TMEM132C: variants seen among roughly 807,000 people sequenced by gnomAD.
TMEM132C encodes the protein protein phosphatase 1, regulatory subunit 152.
A neutral mutation model predicts 61.4 loss-of-function variants in TMEM132C; 29 were observed. The ratio of observed to expected loss-of-function variants is 0.47; its 90% CI spans 0.35 to 0.64. The LOEUF is 0.64. Ranked by LOEUF, TMEM132C falls within the 30% of genes least tolerant of loss-of-function variation. The probability of loss-of-function intolerance (pLI) is 0.00; values close to 1 mark genes in which losing one functional copy is unlikely to be tolerated. For missense variants in TMEM132C, 1,408 were observed against 1,476.9 expected, an observed-to-expected ratio of 0.95 and a Z score of 0.76; for synonymous variants, 656 against 633.1, an observed-to-expected ratio of 1.04 and a Z score of -0.54.
At chr12:128,285,099 C>T (rs1871014604) in intron 1 of TMEM132C, among the ~76,000 whole-genome samples, 1 of 152,126 alleles carries the variant, frequency 6.6e-6, no homozygotes, top group Non-Finnish European at 1.5e-5. Flanking sequence ...GCCAAGATTG[C>T]ACCACTGCAC....
intron 2 of TMEM132C, among the ~76,000 whole-genome samples, chr12:128,454,356 A>G (rs1429803482): frequency 6.6e-6 from 1 of 152,182 alleles, no homozygotes; most frequent in Non-Finnish European, 1.5e-5. Flanking sequence ...CAGAATCCTA[A>G]TGAAGTTCAG....
At chr12:128,609,593 T>G (rs1041670141) in intron 3 of TMEM132C, among the ~76,000 whole-genome samples, 11 of 151,978 alleles carry the variant, frequency 7.2e-5, no homozygotes, top group Non-Finnish European at 1.5e-4. Context: ...ATAATGTAAT[T>G]CAAGGGTGCT....
chr12:128,268,740 A>T (rs1408622015), intron 1 of TMEM132C, among the ~76,000 whole-genome samples: 1 of 152,022 alleles, frequency 6.6e-6, no homozygotes, highest in Non-Finnish European at 1.5e-5. Context: ...TTCAAAAGTC[A>T]TTCTGCACCG....
Position 128,569,625 on chromosome 12 carries a change from T to C in TMEM132C, c.1121+25522T>C, listed in dbSNP as rs2136169981. ...TCAGCTTTTTATTAACCAGGTGACATGAAGACAGAGCCCACACTAGAGCGG... is the reference window on the plus strand; with the variant it reads ...TCAGCTTTTTATTAACCAGGTGACACGAAGACAGAGCCCACACTAGAGCGG... On this transcript the variant is annotated intron_variant, in intron 3 of 8. Coordinates refer to ENST00000435159, the MANE Select transcript of TMEM132C (RefSeq NM_001136103.3). 2.0e-5 allele frequency among the ~76,000 whole-genome samples: 3 copies of C among 152,296 alleles called. 1 individual carries two copies. The Middle Eastern group carries it at 0.01, about 518-fold the overall frequency.
At chr12:128,390,558 G>A (rs536619480) in intron 1 of TMEM132C, among the ~76,000 whole-genome samples, 1 of 152,226 alleles carries the variant, frequency 6.6e-6, no homozygotes, top group African/African-American at 2.4e-5. Flanking sequence ...ACTATCAGCC[G>A]ACTGGCCACC....
intron 2 of TMEM132C, among the ~76,000 whole-genome samples, chr12:128,536,613 G>A (rs1421495385): frequency 6.6e-6 from 1 of 152,146 alleles, no homozygotes; most frequent in Non-Finnish European, 1.5e-5. Flanking sequence ...AGGTGAAGAT[G>A]TGTTTTATCA....
chr12:128,460,913 C>A (rs78798163), intron 2 of TMEM132C, among the ~76,000 whole-genome samples: 7 of 152,100 alleles, frequency 4.6e-5, no homozygotes, highest in Non-Finnish European at 1.0e-4. Context: ...GAGGCAGCCC[C>A]CAGCTACCCA....
intron 2 of TMEM132C, among the ~76,000 whole-genome samples, chr12:128,460,383 A>G (rs1021474981): frequency 6.6e-6 from 1 of 152,202 alleles, no homozygotes; most frequent in Non-Finnish European, 1.5e-5. Context: ...CAGCAAATCC[A>G]GACCTATGTC....
intron 4 of TMEM132C, among the ~76,000 whole-genome samples, chr12:128,626,972 C>CCT (rs1954023235): frequency 6.6e-6 from 1 of 152,176 alleles, no homozygotes; most frequent in Non-Finnish European, 1.5e-5. Flanking sequence ...CCACCAAGGG[C>CCT]CTCTCCCTAG....
At position 128,638,638 on chromosome 12, in the gene TMEM132C, AT is replaced by A. The variant is rs1328947538; in HGVS notation, c.1305+22306del. ...CACAGCTTGGAAAGGTGGTTACGGA[AT>A]TTAAACCTATGTATCTCTGGCTCCA... On this transcript the variant is annotated intron_variant, in intron 4 of 8. Coordinates refer to ENST00000435159, the MANE Select transcript of TMEM132C (RefSeq NM_001136103.3). Among the ~76,000 whole-genome samples, 8 of 152,328 alleles carry A rather than the reference AT, an allele frequency of 5.3e-5. No individual in the cohort carries two copies. In the East Asian group the frequency reaches 1.5e-3, roughly 29 times the overall value.
chr12:128,589,352 C>T (rs749397160), intron 3 of TMEM132C, among the ~76,000 whole-genome samples: 2 of 152,230 alleles, frequency 1.3e-5, no homozygotes, highest in Non-Finnish European at 2.9e-5. Flanking sequence ...TGCATCCCTC[C>T]GCCCAGACCT....
chr12:128,404,407 T>C (rs1037544614), intron 1 of TMEM132C: 1 of 152,232 alleles, frequency 6.6e-6, no homozygotes, highest in South Asian at 2.1e-4. Context: ...TTGGTTATGT[T>C]GTTCTTCATC....
intron 2 of TMEM132C, among the ~76,000 whole-genome samples, chr12:128,503,224 A>G (rs1872240829): frequency 6.6e-6 from 1 of 152,264 alleles, no homozygotes; most frequent in South Asian, 2.1e-4. Context: ...ATCTGGAGAT[A>G]CATTATCTAT....
At chr12:128,360,770 G>A (rs568372041) in intron 1 of TMEM132C, among the ~76,000 whole-genome samples, 51 of 152,226 alleles carry the variant, frequency 3.4e-4, no homozygotes, top group African/African-American at 1.2e-3. Context: ...TAGACCTTAG[G>A]AGCCGCCTTG....
intron 2 of TMEM132C, among the ~76,000 whole-genome samples, chr12:128,479,884 G>A (rs1871266946): frequency 1.3e-5 from 2 of 152,170 alleles, no homozygotes; most frequent in South Asian, 4.1e-4. Flanking sequence ...TATAGATTGA[G>A]TGCTTAAAAC....
intron 4 of TMEM132C, among the ~76,000 whole-genome samples, chr12:128,644,454 A>G (rs1001370060): frequency 6.6e-6 from 1 of 152,238 alleles, no homozygotes; most frequent in African/African-American, 2.4e-5. Flanking sequence ...ATGAAAAACT[A>G]TTTGGCCATA....
intron 1 of TMEM132C, among the ~76,000 whole-genome samples, chr12:128,345,493 C>A (rs1873130412): frequency 6.6e-6 from 1 of 152,206 alleles, no homozygotes; most frequent in African/African-American, 2.4e-5. Flanking sequence ...CTGTCTTCCA[C>A]AATGATTGAA....
intron 5 of TMEM132C, among the ~76,000 whole-genome samples, chr12:128,686,055 G>GTGTGTGTGCA (rs1555243278): frequency 8.5e-6 from 1 of 117,378 alleles, no homozygotes; most frequent in African/African-American, 3.6e-5. Context: ...GTGTGTGCAT[G>GTGTGTGTGCA]TGTGTGTGTG....
intron 2 of TMEM132C, among the ~76,000 whole-genome samples, chr12:128,534,187 T>C (rs570474774): frequency 6.6e-6 from 1 of 152,334 alleles, no homozygotes; most frequent in Admixed American, 6.5e-5. Flanking sequence ...CAAGCACATT[T>C]TAAAAAGAGG....
Sources: allele counts gnomAD v4.1 joint callset (sites outside exome capture counted in the v4.1 genomes callset), GRCh38; gene constraint gnomAD v4.1.1; transcripts MANE v1.5; gene names NCBI Gene and HGNC (gene_info 2026-07-23, HGNC 2026-07-21).